The following UBA2 variants were observed in gnomAD, a reference collection of about 807,000 sequenced individuals.
The protein encoded by UBA2 is SUMO-activating enzyme subunit 2.
A neutral mutation model predicts 77.2 loss-of-function variants in UBA2; 11 were observed. The observed-to-expected ratio is 0.14, with a 90% confidence interval of 0.09 to 0.24. The LOEUF (loss-of-function observed/expected upper bound fraction) is 0.24. Ranked by LOEUF, UBA2 falls within the 10% of genes least tolerant of loss-of-function variation. UBA2 has a pLI of 1.00. For missense variants in UBA2, 487 were observed against 781.7 expected (o/e 0.62, Z 4.50); for synonymous variants, 278 against 276.7 (o/e 1.00, Z -0.05).
chr19:34,436,487 C>T (rs1004767191), intron 5 of UBA2, among the ~76,000 whole-genome samples: 4 of 151,978 alleles, frequency 2.6e-5, no homozygotes, highest in African/African-American at 4.8e-5. Flanking sequence ...TTAGTAGAGA[C>T]GGGGTTTCTC....
chr19:34,448,986 A>C (rs1431407770), intron 8 of UBA2, among the ~76,000 whole-genome samples: 5 of 151,644 alleles, frequency 3.3e-5, no homozygotes, highest in African/African-American at 1.2e-4. Context: ...TAGTGGATTC[A>C]TCTCCTTGCC....
At position 34,439,162 on chromosome 19, in the gene UBA2, C is replaced by G. The variant is rs371121000; in HGVS notation, c.581+396C>G. Among the ~76,000 whole-genome samples, 5 of 149,798 alleles carry G rather than the reference C, an allele frequency of 3.3e-5. No individual in the cohort carries two copies. The South Asian group carries it at 8.4e-4, about 25-fold the overall frequency. ...GGTGGAGGTTGGAGTGAGCCGAGAT[C>G]GCGCCACTGCACTCCAGCTTGGCAA... On this transcript the variant is annotated intron_variant, in intron 6 of 16. Coordinates refer to ENST00000246548, the MANE Select transcript of UBA2 (RefSeq NM_005499.3).
chr19:34,438,220 CAAAA>C (rs35061343), intron 5 of UBA2, among the ~76,000 whole-genome samples: 1 of 133,984 alleles, frequency 7.5e-6, no homozygotes, highest in Admixed American at 7.4e-5. Context: ...TAGTTTTGCT[CAAAA>C]AAAAAAAAAA....
Position 34,428,445 on chromosome 19 carries a change from CG to C in UBA2, c.18del (p.Leu7CysfsTer40). MALS[R>X]GLPRELAEAV... ...TGGTTGTCCCGCCATGGCACTGTCG[CG>C]GGGGCTGCCCCGGGAGCTGGCTGAG... On this transcript the variant is annotated frameshift_variant, in exon 1 of 17. Coordinates refer to ENST00000246548, the MANE Select transcript of UBA2 (RefSeq NM_005499.3). LOFTEE classifies it high-confidence loss of function. The C allele has an allele frequency of 7.8e-7, 1 of 1,274,666 alleles. No homozygotes were observed. 79.0% of individuals were successfully genotyped at this position (1,274,666 alleles called of 1,614,324 possible). A position where few individuals can be genotyped will look rare whatever the true frequency, so the allele number is the denominator to read the frequency against.
chr19:34,446,873 T>C (rs1244525082), intron 8 of UBA2, among the ~76,000 whole-genome samples: 1 of 152,186 alleles, frequency 6.6e-6, no homozygotes, highest in Non-Finnish European at 1.5e-5. Flanking sequence ...CCCAAAGTGC[T>C]GGGATTACAG....
intron 14 of UBA2, among the ~76,000 whole-genome samples, chr19:34,462,110 G>C (rs191232426): frequency 1.3e-5 from 2 of 152,180 alleles, no homozygotes; most frequent in African/African-American, 2.4e-5. Context: ...CACATGTGCA[G>C]TGTGTGTCTT....
At chr19:34,448,449 C>T (rs1391711613) in intron 8 of UBA2, among the ~76,000 whole-genome samples, 1 of 151,978 alleles carries the variant, frequency 6.6e-6, no homozygotes, top group Admixed American at 6.6e-5. Context: ...AAAAAAATAG[C>T]CAGCCATGGT....
intron 4 of UBA2, among the ~76,000 whole-genome samples, chr19:34,434,596 G>A (rs1467490863): frequency 6.6e-6 from 1 of 152,184 alleles, no homozygotes; most frequent in Non-Finnish European, 1.5e-5. Context: ...TACAGCAATA[G>A]AAGAGAAATA....
At chr19:34,444,367 T>A (rs1304749676) in intron 7 of UBA2, among the ~76,000 whole-genome samples, 1 of 152,112 alleles carries the variant, frequency 6.6e-6, no homozygotes, top group Non-Finnish European at 1.5e-5. Flanking sequence ...AACAATGTTT[T>A]ACAAAAAAAA....
intron 9 of UBA2, among the ~76,000 whole-genome samples, chr19:34,451,114 C>G (rs1045816771): frequency 2.0e-5 from 3 of 152,074 alleles, no homozygotes; most frequent in Non-Finnish European, 4.4e-5. Context: ...CCATCCTCCT[C>G]CCTCAGTCTC....
intron 14 of UBA2, among the ~76,000 whole-genome samples, chr19:34,463,479 CCT>C (rs1310386855): frequency 1.3e-5 from 2 of 152,144 alleles, no homozygotes; most frequent in African/African-American, 2.4e-5. Context: ...TATTTTAAAA[CCT>C]CTCTCCTTTG....
chr19:34,433,534 A>G, intron 4 of UBA2, 122 bp downstream of exon 4: 1 of 736,928 alleles, frequency 1.4e-6, no homozygotes, highest in South Asian at 1.8e-5. Context: ...AAGAGAAATG[A>G]TCGAGTTTAA....
At chr19:34,452,235 A>AT in intron 10 of UBA2, 88 bp downstream of exon 10, 7 of 1,176,296 alleles carry the variant, frequency 6.0e-6, no homozygotes, top group Non-Finnish European at 8.2e-6. Context: ...CATTTTTTGA[A>AT]TATTTACTAG....
At chr19:34,454,070 AC>A (rs2075532059) in intron 10 of UBA2, among the ~76,000 whole-genome samples, 189 bp from the exon 11 acceptor site, 1 of 151,598 alleles carries the variant, frequency 6.6e-6, no homozygotes, top group African/African-American at 2.4e-5. Flanking sequence ...TGATGATGAG[AC>A]CCCACCCCCT....
At chr19:34,439,956 G>GA (rs1402133993) in intron 6 of UBA2, among the ~76,000 whole-genome samples, 1 of 151,422 alleles carries the variant, frequency 6.6e-6, no homozygotes, top group African/African-American at 2.4e-5. Context: ...TAGGCTATAA[G>GA]AAAAAAAAGG....
chr19:34,429,122 G>A (rs2075222069), intron 1 of UBA2: 2 of 982,960 alleles, frequency 2.0e-6, no homozygotes, highest in Admixed American at 6.2e-5. Flanking sequence ...TAACAGATGA[G>A]GAAAGGGAGA....
intron 9 of UBA2, 83 bp from the exon 10 acceptor site, chr19:34,451,898 G>A (rs934376843): frequency 7.3e-6 from 5 of 689,178 alleles, no homozygotes; most frequent in African/African-American, 5.6e-5. Flanking sequence ...CTTAATGGTC[G>A]GGGATTGAAC....
intron 5 of UBA2, among the ~76,000 whole-genome samples, chr19:34,436,293 ATTTATTTATTTG>A (rs1247741847): frequency 6.8e-6 from 1 of 148,074 alleles, no homozygotes; most frequent in Non-Finnish European, 1.5e-5. Context: ...GTTTTGGTTT[ATTTATTTATTTG>A]TTTATTTTTT....
At chr19:34,431,074 TTTCC>T (rs2075247814) in intron 2 of UBA2, among the ~76,000 whole-genome samples, 1 of 151,994 alleles carries the variant, frequency 6.6e-6, no homozygotes, top group Non-Finnish European at 1.5e-5. Flanking sequence ...TAAAACATCT[TTTCC>T]CTTTGCCTGT....
Sources: gnomAD v4.1 joint callset for allele counts (sites outside exome capture counted in the v4.1 genomes callset) on GRCh38, gnomAD v4.1.1 for gene constraint, MANE v1.5 for transcripts, NCBI Gene and HGNC (gene_info 2026-07-23, HGNC 2026-07-21) for gene names.